Variants in NTRK1 observed in about 807,000 individuals in gnomAD.
NTRK1 encodes the protein neurotrophic receptor tyrosine kinase 1.
In NTRK1, 62 loss-of-function variants were observed where a neutral mutation model predicts 86.8. The ratio of observed to expected loss-of-function variants is 0.71; its 90% CI spans 0.58 to 0.88. NTRK1 has a LOEUF of 0.88. NTRK1 is among the 40% of genes least tolerant of loss of function. The pLI is 0.00. For missense variants in NTRK1, 967 were observed against 1,078.4 expected, an observed-to-expected ratio of 0.90 and a Z score of 1.45; for synonymous variants, 469 against 456.6, an observed-to-expected ratio of 1.03 and a Z score of -0.35.
rs1206216652 is a variant in NTRK1 at position 156,875,571 on chromosome 1, T to C, written c.1406T>C (p.Met469Thr). ...GGGCTGGCCATGTCCCTGCATTTCA[T>C]GACATTGGGTGGCAGCTCCCTGTCC... ...EDGLAMSLHFMTLGGSSLSPT... is the reference protein window; with the variant it reads ...EDGLAMSLHFTTLGGSSLSPT... The change falls in exon 12 of 17, where the codon ATG (methionine) becomes ACG (threonine). Residue 469 changes from methionine (M) to threonine (T), a missense_variant. By Grantham distance (81) the Met-to-Thr change is moderately conservative (BLOSUM62 -1). This residue lies in a region of NTRK1 where 637 missense variants were observed against 776.5 expected (regional missense o/e 0.82). Transcript: ENST00000524377. 2 of 1,613,768 alleles carry C rather than the reference T, an allele frequency of 1.2e-6. No homozygotes were observed. The highest frequency in any genetic ancestry group is 2.2e-5 in the East Asian group (1 of 44,878).
intron 2 of NTRK1, 56 bp from the exon 3 acceptor site, chr1:156,864,672 C>A: frequency 6.3e-7 from 1 of 1,586,746 alleles, no homozygotes; most frequent in African/African-American, 1.3e-5. Context: ...GCAGGGAGGG[C>A]CAGGGGCCCA....
At chr1:156,844,478 G>A in intron 2 of NTRK1, 1 of 1,613,942 alleles carries the variant, frequency 6.2e-7, no homozygotes, top group Non-Finnish European at 8.5e-7. Context: ...CAAGGATGTA[G>A]AAGGCAACAC....
rs542067267 is a variant in NTRK1, at chr1:156,815,789, G to C, written c.-113G>C. On this transcript the variant is annotated 5_prime_UTR_variant, in exon 1 of 17. Coordinates refer to the NTRK1 transcript ENST00000392302. ...TGCGGACTCAGCCTGAGCTTCCAGA[G>C]GGCCTAGGAGCAGTAAGGGAGTGAG... is the stretch of plus-strand genomic sequence containing the variant. 6 of 1,613,624 alleles carry C rather than the reference G, an allele frequency of 3.7e-6. No individual in the cohort carries two copies. The African/African-American group carries it at 8.0e-5, about 22-fold the overall frequency.
At chr1:156,872,101 A>G (rs967426085) in intron 7 of NTRK1, among the ~76,000 whole-genome samples, 3 of 152,164 alleles carry the variant, frequency 2.0e-5, no homozygotes, top group African/African-American at 4.8e-5. Flanking sequence ...CAAAAGAGGA[A>G]ATTCTCCTCC....
At chr1:156,851,083 T>C in intron 2 of NTRK1, 10 of 653,750 alleles carry the variant, frequency 1.5e-5, no homozygotes, top group Admixed American at 2.3e-5. Flanking sequence ...TTGAGTAATA[T>C]TCAAAACAGT....
intron 1 of NTRK1, among the ~76,000 whole-genome samples, chr1:156,823,233 A>G (rs1654234775): frequency 6.6e-6 from 1 of 152,228 alleles, no homozygotes; most frequent in Non-Finnish European, 1.5e-5. Flanking sequence ...GTGTATTCTG[A>G]TCAGAGTGGA....
intron 1 of NTRK1, among the ~76,000 whole-genome samples, chr1:156,831,363 G>C (rs1043726495): frequency 6.6e-6 from 1 of 152,190 alleles, no homozygotes; most frequent in Non-Finnish European, 1.5e-5. Context: ...AGTTTCCTGA[G>C]GCTGAATTTG....
Position 156,854,218 on chromosome 1 carries a change from G to A in NTRK1, c.51-10136G>A. On this transcript the variant is annotated intron_variant, in intron 2 of 16. Transcript: ENST00000392302. The surrounding 1 kb of genome is among the most constrained non-coding windows in gnomAD (Gnocchi z 4.2). ...CCCCGGTGGCTGTGAACATGAGCAG[G>A]ATCTGCAGGTGGCCCTCCACCACGC... 1 of 1,614,028 alleles carries A rather than the reference G, an allele frequency of 6.2e-7. No homozygotes were observed. Among genetic ancestry groups the A allele is most frequent in the Non-Finnish European group, 8.5e-7 (1 of 1,180,030 alleles).
intron 1 of NTRK1, among the ~76,000 whole-genome samples, chr1:156,821,039 A>T (rs2102832929): frequency 6.6e-6 from 1 of 152,256 alleles, no homozygotes; most frequent in East Asian, 1.9e-4. Context: ...AGAGATCTTT[A>T]ACCTTCTTGG....
chr1:156,865,841 T>G (rs893611707), intron 3 of NTRK1, among the ~76,000 whole-genome samples: 4 of 152,226 alleles, frequency 2.6e-5, no homozygotes, highest in African/African-American at 9.6e-5. Context: ...CTGACACTCA[T>G]GGAGTTATGC....
rs753485998 is a variant in NTRK1 at position 156,864,788 on chromosome 1, G to A, written c.348G>A (p.Arg116=). Residue 116 remains arginine, a synonymous_variant, in exon 3 of 17, where the codon CGG becomes CGA. Coordinates refer to ENST00000524377, the MANE Select transcript of NTRK1 (RefSeq NM_002529.4). ...VAPDAFHFTP[R]LSRLNLSFNA... ...CAGATGCCTTCCATTTCACTCCTCG[G>A]CTCAGTCGCCTGTGAGTGTGGCCAG... The A allele has an allele frequency of 6.2e-7, 1 of 1,613,776 alleles. No individual in the cohort carries two copies. Among genetic ancestry groups the A allele is most frequent in the Admixed American group, 1.7e-5 (1 of 59,984 alleles).
chr1:156,846,283 C>G (rs1655004971), intron 2 of NTRK1, among the ~76,000 whole-genome samples: 1 of 152,094 alleles, frequency 6.6e-6, no homozygotes, highest in Non-Finnish European at 1.5e-5. Context: ...CTGTCCTCCC[C>G]TTCTCTGCCA....
chr1:156,846,811 G>T, intron 2 of NTRK1: 1 of 1,427,708 alleles, frequency 7.0e-7, no homozygotes, highest in Non-Finnish European at 9.9e-7. Context: ...CTCAAGTTCT[G>T]GCACCCCCGC....
chr1:156,864,173 GTC>G (rs974296458), intron 1 of NTRK1, among the ~76,000 whole-genome samples, 179 bp from the exon 2 acceptor site: 2 of 152,102 alleles, frequency 1.3e-5, no homozygotes, highest in Non-Finnish European at 2.9e-5. Flanking sequence ...CTTGAGGTGC[GTC>G]TCTGTGCACA....
chr1:156,830,474 C>T (rs545616533), intron 1 of NTRK1, among the ~76,000 whole-genome samples: 1 of 151,446 alleles, frequency 6.6e-6, no homozygotes, highest in East Asian at 1.9e-4. Flanking sequence ...GGGCAAGTTT[C>T]TTGATCTCTC....
chr1:156,849,510 TGGG>T, intron 2 of NTRK1: 4 of 287,876 alleles, frequency 1.4e-5, no homozygotes, highest in Non-Finnish European at 2.0e-5. Flanking sequence ...GGGCAGGGGG[TGGG>T]AAAGGGGATG....
At chr1:156,868,822 A>C (rs1647345023) in intron 6 of NTRK1, among the ~76,000 whole-genome samples, 175 bp downstream of exon 6, 1 of 152,182 alleles carries the variant, frequency 6.6e-6, no homozygotes, top group Non-Finnish European at 1.5e-5. Flanking sequence ...GCTCTGGGGC[A>C]GCCCAGGGCA....
At chr1:156,816,743 G>C in intron 1 of NTRK1, 1 of 1,564,894 alleles carries the variant, frequency 6.4e-7, no homozygotes, top group Non-Finnish European at 8.7e-7. Context: ...AGAGCAGGGT[G>C]TGTGTATGTG....
intron 4 of NTRK1, among the ~76,000 whole-genome samples, chr1:156,867,711 C>A (rs1647243550): frequency 6.6e-6 from 1 of 151,464 alleles, no homozygotes; most frequent in African/African-American, 2.4e-5. Flanking sequence ...CTCTGTCACC[C>A]AGGCTGGAGT....
Sources: gnomAD v4.1 joint callset for allele counts (sites outside exome capture counted in the v4.1 genomes callset) on GRCh38, gnomAD v4.1.1 for gene constraint, gnomAD v4.1.1 regional missense constraint, Gnocchi (gnomAD v3.1) non-coding constraint, MANE v1.5 for transcripts, NCBI Gene and HGNC (gene_info 2026-07-23, HGNC 2026-07-21) for gene names.